PATJ: variants seen among roughly 807,000 people sequenced by gnomAD.
PATJ encodes PATJ crumbs cell polarity complex component, also known as inaD-like protein.
A neutral mutation model predicts 224.9 loss-of-function variants in PATJ; 190 were observed. That is an observed-to-expected ratio of 0.84 (90% CI 0.75 to 0.95). The LOEUF is 0.95. PATJ is among the 40% of genes least tolerant of loss of function. The pLI, the probability that PATJ is intolerant of heterozygous loss-of-function variation, is 0.00. For missense variants in PATJ, 2,121 were observed against 2,270.3 expected, an observed-to-expected ratio of 0.93 and a Z score of 1.34; for synonymous variants, 769 against 820.3, an observed-to-expected ratio of 0.94 and a Z score of 1.07.
At chr1:61,836,137 C>A (rs1040636907) in intron 17 of PATJ, among the ~76,000 whole-genome samples, 29 of 152,102 alleles carry the variant, frequency 1.9e-4, no homozygotes, top group African/African-American at 7.0e-4. Flanking sequence ...AAAAGGAAAA[C>A]CCCCTTCTGA....
Position 61,790,527 on chromosome 1 carries a change from TG to T in PATJ, c.1069-820del, listed in dbSNP as rs67913283. Among the ~76,000 whole-genome samples, 110 of 146,822 alleles carry T rather than the reference TG, an allele frequency of 7.5e-4. 8 individuals are homozygous for T. Among genetic ancestry groups the T allele is most frequent in the African/African-American group, 2.2e-3 (88 of 40,128 alleles). On this transcript the variant is annotated intron_variant, in intron 8 of 43. Transcript: ENST00000642238. ...TCTTCTTTTTTTTGTTTTTTTTTTT[TG>T]TTTGAGACAGAGTCTTGCTCTGTTG...
intron 27 of PATJ, among the ~76,000 whole-genome samples, chr1:61,960,798 G>A (rs1248831850): frequency 4.6e-5 from 7 of 151,832 alleles, no homozygotes; most frequent in Non-Finnish European, 1.0e-4. Context: ...TGATAATTTT[G>A]CTGACCATTT....
chr1:61,894,269 ACAC>A (rs1481409537), intron 22 of PATJ, among the ~76,000 whole-genome samples: 241 of 142,376 alleles, frequency 1.7e-3, no homozygotes, highest in Non-Finnish European at 2.9e-3. Context: ...AAAAAAAAAA[ACAC>A]AAAAAAAAAA....
intron 34 of PATJ, among the ~76,000 whole-genome samples, chr1:62,112,788 A>G (rs1220666338): frequency 1.3e-5 from 2 of 152,196 alleles, no homozygotes; most frequent in Admixed American, 6.5e-5. Flanking sequence ...TTTCTCCCTC[A>G]TATCAAATTT....
intron 43 of PATJ, among the ~76,000 whole-genome samples, chr1:62,156,040 A>C (rs1372886126): frequency 7.3e-6 from 1 of 137,084 alleles, no homozygotes; most frequent in Non-Finnish European, 1.5e-5. Context: ...CCTGGGTGAC[A>C]GAGCAAGACT....
intron 12 of PATJ, among the ~76,000 whole-genome samples, chr1:61,804,788 A>G (rs773355807): frequency 4.6e-5 from 7 of 152,190 alleles, no homozygotes; most frequent in African/African-American, 9.6e-5. Flanking sequence ...AAAATTATCT[A>G]TGCAACAAAG....
At chr1:61,764,372 GGACAC>G (rs1217934286) in intron 3 of PATJ, among the ~76,000 whole-genome samples, 1 of 151,412 alleles carries the variant, frequency 6.6e-6, no homozygotes, top group African/African-American at 2.4e-5. Flanking sequence ...ATTGAATAAG[GGACAC>G]ATATCACCTC....
At chr1:61,989,404 C>A (rs1190982052) in intron 27 of PATJ, among the ~76,000 whole-genome samples, 1 of 152,164 alleles carries the variant, frequency 6.6e-6, no homozygotes, top group Non-Finnish European at 1.5e-5. Context: ...GGAATGAATT[C>A]AAATATGAGA....
intron 29 of PATJ, among the ~76,000 whole-genome samples, chr1:62,028,713 G>T (rs1032849169): frequency 1.3e-5 from 2 of 152,048 alleles, no homozygotes; most frequent in Non-Finnish European, 2.9e-5. Flanking sequence ...AGCCCAGAAG[G>T]TCAAGGCTGC....
At chr1:61,748,875 GA>G (rs1411828808) in intron 1 of PATJ, among the ~76,000 whole-genome samples, 1 of 152,108 alleles carries the variant, frequency 6.6e-6, no homozygotes, top group Non-Finnish European at 1.5e-5. Flanking sequence ...CATTTTGATT[GA>G]AAAGAGATGC....
chr1:61,934,839 A>T (rs1571368204), intron 27 of PATJ, among the ~76,000 whole-genome samples: 1 of 152,262 alleles, frequency 6.6e-6, no homozygotes, highest in Non-Finnish European at 1.5e-5. Flanking sequence ...TGGGGATGTG[A>T]TGAAAATGCA....
intron 3 of PATJ, among the ~76,000 whole-genome samples, chr1:61,764,771 T>C (rs1557601204): frequency 6.6e-6 from 1 of 152,166 alleles, no homozygotes; most frequent in Non-Finnish European, 1.5e-5. Flanking sequence ...TAGACCAGAA[T>C]TTATACCCTA....
At chr1:61,982,403 A>G (rs1310395152) in intron 27 of PATJ, among the ~76,000 whole-genome samples, 1 of 152,012 alleles carries the variant, frequency 6.6e-6, no homozygotes, top group Non-Finnish European at 1.5e-5. Context: ...TGGTGTGATG[A>G]ACAGGTCACA....
At chr1:61,792,709 T>C (rs1475284284) in intron 9 of PATJ, among the ~76,000 whole-genome samples, 1 of 152,124 alleles carries the variant, frequency 6.6e-6, no homozygotes, top group African/African-American at 2.4e-5. Flanking sequence ...TTTGTATTTT[T>C]AGCTGAGACA....
chr1:61,961,735 G>A (rs944701153), intron 27 of PATJ, among the ~76,000 whole-genome samples: 3 of 152,120 alleles, frequency 2.0e-5, no homozygotes, highest in East Asian at 1.9e-4. Flanking sequence ...TTGGGAGGCC[G>A]AGGCAGGTGG....
chr1:62,015,591 G>A (rs1056498321), intron 28 of PATJ, among the ~76,000 whole-genome samples: 1 of 152,108 alleles, frequency 6.6e-6, no homozygotes, highest in African/African-American at 2.4e-5. Context: ...GGAGTGCAGT[G>A]GCGCAATCTC....
At chr1:61,966,373 C>T (rs1424610261) in intron 27 of PATJ, among the ~76,000 whole-genome samples, 1 of 152,072 alleles carries the variant, frequency 6.6e-6, no homozygotes, top group Non-Finnish European at 1.5e-5. Flanking sequence ...CGCGCCAAGG[C>T]GAGTCCATAG....
At position 62,123,071 on chromosome 1, in the gene PATJ, T is replaced by C; in HGVS notation, c.5043+13T>C. ...TGAGATAAACAGGGTAAGTCAGTCA[T>C]TTTGCTGTATGTATTTTTCTGGTTT... On this transcript the variant is annotated intron_variant, in intron 39 of 43. Coordinates refer to ENST00000642238, the MANE Select transcript of PATJ (RefSeq NM_001350145.3). 5.1e-6 allele frequency: 8 copies of C among 1,581,904 alleles called. No homozygotes were observed. The highest frequency in any genetic ancestry group is 6.9e-6 in the Non-Finnish European group (8 of 1,156,792).
chr1:61,926,485 C>G (rs1360721652), intron 26 of PATJ, among the ~76,000 whole-genome samples: 1 of 152,106 alleles, frequency 6.6e-6, no homozygotes, highest in Non-Finnish European at 1.5e-5. Context: ...TATAGAATAT[C>G]CTGGTTCTGA....
Sources: gnomAD v4.1 joint callset for allele counts (sites outside exome capture counted in the v4.1 genomes callset) on GRCh38, gnomAD v4.1.1 for gene constraint, MANE v1.5 for transcripts, NCBI Gene and HGNC (gene_info 2026-07-23, HGNC 2026-07-21) for gene names.